The following ZNF143 variants were observed in gnomAD, a reference collection of about 807,000 sequenced individuals.
The protein encoded by ZNF143 is zinc finger protein 143, also known as SPH-binding factor.
A neutral mutation model predicts 74.1 loss-of-function variants in ZNF143; 49 were observed. The observed-to-expected ratio is 0.66, with a 90% CI of 0.53 to 0.84. The LOEUF is 0.84. ZNF143 is among the 40% of genes least tolerant of loss of function. The pLI, the probability that ZNF143 is intolerant of heterozygous loss-of-function variation, is 0.00. For synonymous variants in ZNF143, 304 were observed against 282.8 expected, an observed-to-expected ratio of 1.07 and a Z score of -0.75; for missense variants, 637 against 793.4, an observed-to-expected ratio of 0.80 and a Z score of 2.37.
chr11:9,473,695 G>C, intron 3 of ZNF143: 1 of 1,220,548 alleles, frequency 8.2e-7, no homozygotes, highest in Non-Finnish European at 1.1e-6. Context: ...GCTGTGATGA[G>C]CCACTCTTCC....
chr11:9,518,616 C>T (rs1279452726), intron 14 of ZNF143, among the ~76,000 whole-genome samples: 1 of 151,792 alleles, frequency 6.6e-6, no homozygotes, highest in Non-Finnish European at 1.5e-5. Flanking sequence ...ACTCAGGAGG[C>T]TGAGGCAGGA....
Position 9,504,362 on chromosome 11 carries a change from C to G in ZNF143, c.1147+3092C>G, listed in dbSNP as rs1407326491. Among the ~76,000 whole-genome samples the G allele has an allele frequency of 6.3e-5, 8 of 127,124 alleles. 2 individuals carry two copies. 83.4% of individuals were successfully genotyped at this position (127,124 alleles called of 152,430 possible). A position where few individuals can be genotyped will look rare whatever the true frequency, so the allele number is the denominator to read the frequency against. On this transcript the variant is annotated intron_variant, in intron 11 of 15. Transcript: ENST00000396602. ...TTAAAATTGGGTTGTGTCTTTATTA[C>G]TGAGTTGTATAACTTTAATTCGAGA... is the stretch of plus-strand genomic sequence containing the variant.
chr11:9,467,906 T>A (rs1856343538), intron 1 of ZNF143, among the ~76,000 whole-genome samples: 1 of 151,050 alleles, frequency 6.6e-6, no homozygotes, highest in African/African-American at 2.4e-5. Flanking sequence ...TTCACAATTA[T>A]CTAATGATGC....
At chr11:9,521,787 C>T (rs1030096390) in intron 14 of ZNF143, among the ~76,000 whole-genome samples, 3 of 151,850 alleles carry the variant, frequency 2.0e-5, no homozygotes, top group African/African-American at 7.3e-5. Context: ...ATCTGGGGGC[C>T]GGGTGCGGTG....
At chr11:9,520,484 C>T (rs996253265) in intron 14 of ZNF143, among the ~76,000 whole-genome samples, 1 of 151,524 alleles carries the variant, frequency 6.6e-6, no homozygotes, top group African/African-American at 2.4e-5. Flanking sequence ...AGAGCAAAAC[C>T]CTGTCTTCTA....
chr11:9,496,773 T>A (rs1366010553), intron 9 of ZNF143, among the ~76,000 whole-genome samples: 2 of 151,942 alleles, frequency 1.3e-5, no homozygotes, highest in Admixed American at 1.3e-4. Context: ...ATATTTTGTA[T>A]TTTTAGTAGA....
chr11:9,493,068 C>G (rs1188835913), intron 7 of ZNF143, among the ~76,000 whole-genome samples: 3 of 149,436 alleles, frequency 2.0e-5, no homozygotes, highest in Admixed American at 2.0e-4. Context: ...GGAATTATGC[C>G]TACTTTTTTT....
intron 7 of ZNF143, among the ~76,000 whole-genome samples, chr11:9,482,651 G>T (rs1218985024): frequency 1.7e-5 from 1 of 59,142 alleles, no homozygotes; most frequent in Non-Finnish European, 3.2e-5. Context: ...CTACTGAATG[G>T]GATTCTTTTT....
chr11:9,508,544 C>T (rs967802500), intron 11 of ZNF143, 75 bp from the exon 12 acceptor site: 2 of 1,387,836 alleles, frequency 1.4e-6, no homozygotes, highest in South Asian at 1.3e-5. Context: ...GGTATTTTAC[C>T]CCCTGGGGGG....
chr11:9,472,531 C>T (rs1350221893), intron 2 of ZNF143, 146 bp from the exon 3 acceptor site: 33 of 659,736 alleles, frequency 5.0e-5, no homozygotes, highest in East Asian at 3.8e-4. Flanking sequence ...TGATTACAGG[C>T]GTGAGCCACT....
chr11:9,467,510 A>G (rs1856310130), intron 1 of ZNF143, among the ~76,000 whole-genome samples: 1 of 152,014 alleles, frequency 6.6e-6, no homozygotes, highest in Admixed American at 6.6e-5. Flanking sequence ...TGCTGGGATT[A>G]TAGGTGTGAG....
chr11:9,526,341 G>A (rs1000490918), intron 15 of ZNF143, among the ~76,000 whole-genome samples: 3 of 151,974 alleles, frequency 2.0e-5, no homozygotes, highest in South Asian at 2.1e-4. Flanking sequence ...GCAACAGAGC[G>A]AGACCCTGTC....
intron 13 of ZNF143, among the ~76,000 whole-genome samples, chr11:9,513,244 A>G (rs1848614671): frequency 6.6e-6 from 1 of 152,138 alleles, no homozygotes; most frequent in Non-Finnish European, 1.5e-5. Flanking sequence ...TTCCTCTTTC[A>G]TGGAGAACGC....
At chr11:9,513,756 G>A (rs1329530947) in intron 13 of ZNF143, among the ~76,000 whole-genome samples, 1 of 152,208 alleles carries the variant, frequency 6.6e-6, no homozygotes, top group African/African-American at 2.4e-5. Flanking sequence ...ATTAGCTGGT[G>A]TGGTGGCGCT....
intron 1 of ZNF143, among the ~76,000 whole-genome samples, chr11:9,469,406 AT>A (rs1261186984): frequency 6.6e-6 from 1 of 151,202 alleles, no homozygotes; most frequent in Non-Finnish European, 1.5e-5. Context: ...TAATTTTTGT[AT>A]TTTTAGTAGT....
Position 9,501,101 on chromosome 11 carries a change from C to T in ZNF143, c.978C>T (p.Pro326=), listed in dbSNP as rs201733294. The change falls in exon 11 of 16, where the codon CCC becomes CCT. Residue 326 remains proline, a synonymous_variant. Transcript: ENST00000396602. ...CCTTTATATTTGCAGGAGAAAGGCC[C>T]TTTAAGTGTCCCTTCGAAGGCTGCG... The part of the protein sequence containing the change: ...KHIRTHTGER[P]FKCPFEGCGR... The T allele has an allele frequency of 3.5e-5, 57 of 1,614,184 alleles. No individual in the cohort carries two copies. The highest frequency in any genetic ancestry group is 4.7e-5 in the Non-Finnish European group (55 of 1,180,022).
chr11:9,524,115 C>A (rs1849043884), intron 14 of ZNF143, among the ~76,000 whole-genome samples: 2 of 148,952 alleles, frequency 1.3e-5, no homozygotes, highest in Admixed American at 6.7e-5. Context: ...CACTCAAATT[C>A]TTTGCTTTCT....
At chr11:9,526,615 A>C (rs1371367525) in intron 15 of ZNF143, among the ~76,000 whole-genome samples, 1 of 150,872 alleles carries the variant, frequency 6.6e-6, no homozygotes, top group African/African-American at 2.4e-5. Flanking sequence ...TTATTTATGT[A>C]AAAATAAATA....
At chr11:9,480,238 C>G (rs1308563897) in intron 7 of ZNF143, among the ~76,000 whole-genome samples, 1 of 152,114 alleles carries the variant, frequency 6.6e-6, no homozygotes, top group East Asian at 1.9e-4. Context: ...ATCAAAAATT[C>G]AAAACTTATG....
Sources: gnomAD v4.1 joint callset for allele counts (sites outside exome capture counted in the v4.1 genomes callset) on GRCh38, gnomAD v4.1.1 for gene constraint, MANE v1.5 for transcripts, NCBI Gene and HGNC (gene_info 2026-07-23, HGNC 2026-07-21) for gene names.